Variants in NDST3 observed in about 807,000 individuals in gnomAD.
NDST3 encodes the protein bifunctional heparan sulfate N-deacetylase/N-sulfotransferase 3.
Under a neutral mutation model 96.1 loss-of-function variants are expected in NDST3, and 58 were observed. The observed-to-expected ratio is 0.60, with a 90% CI of 0.49 to 0.75. The LOEUF (loss-of-function observed/expected upper bound fraction) is 0.75, where lower values mean the gene tolerates loss of function less well. NDST3 is among the 30% of genes least tolerant of loss of function. The pLI is 0.00. For synonymous variants in NDST3, 333 were observed against 359.7 expected (o/e 0.93, Z 0.84); for missense variants, 788 against 1,034.2 (o/e 0.76, Z 3.27).
At chr4:118,137,544 T>C (rs1733211177) in intron 4 of NDST3, among the ~76,000 whole-genome samples, 1 of 152,216 alleles carries the variant, frequency 6.6e-6, no homozygotes, top group Non-Finnish European at 1.5e-5. Flanking sequence ...GGAACGTTGT[T>C]ACTGCTGGCC....
At chr4:118,165,970 T>G (rs1735519967) in intron 6 of NDST3, among the ~76,000 whole-genome samples, 1 of 150,686 alleles carries the variant, frequency 6.6e-6, no homozygotes, top group Admixed American at 6.6e-5. Flanking sequence ...CAGAAAGAAT[T>G]AAAATAAATA....
At chr4:118,093,260 A>C (rs972366879) in intron 2 of NDST3, among the ~76,000 whole-genome samples, 4 of 152,010 alleles carry the variant, frequency 2.6e-5, no homozygotes, top group East Asian at 1.9e-4. Flanking sequence ...AGAATAAAAA[A>C]GGCTTTTCCC....
At chr4:118,055,064 T>A (rs1287552204) in intron 2 of NDST3, 173 bp downstream of exon 2, 1 of 780,680 alleles carries the variant, frequency 1.3e-6, no homozygotes, top group African/African-American at 1.7e-5. Context: ...TGTATTTCTA[T>A]CTGAATCAAG....
chr4:118,225,690 AGTT>A (rs1739829791), intron 7 of NDST3, among the ~76,000 whole-genome samples: 1 of 152,210 alleles, frequency 6.6e-6, no homozygotes, highest in African/African-American at 2.4e-5. Flanking sequence ...CACAGATTGA[AGTT>A]GTTAACTCTG....
Position 118,143,906 on chromosome 4 carries a change from C to A in NDST3, c.1539+222C>A, listed in dbSNP as rs543117156. 2.0e-5 allele frequency among the ~76,000 whole-genome samples: 3 copies of A among 152,284 alleles called. No individual in the cohort carries two copies. In the South Asian group the frequency reaches 6.2e-4, roughly 32 times the overall value. On this transcript the variant is annotated intron_variant, in intron 6 of 13. Transcript: ENST00000296499. ...AACTCATGGCAGAACCAGGGAAGTG[C>A]TCCAGCGGATCCTCCTTTGCATTGC...
At chr4:118,113,157 T>A (rs975596531) in intron 3 of NDST3, among the ~76,000 whole-genome samples, 13 of 152,132 alleles carry the variant, frequency 8.5e-5, no homozygotes, top group African/African-American at 3.1e-4. Context: ...GTCCATCTCT[T>A]TACCTACATG....
At chr4:118,180,482 A>C (rs1374935705) in intron 6 of NDST3, among the ~76,000 whole-genome samples, 1 of 152,146 alleles carries the variant, frequency 6.6e-6, no homozygotes, top group Admixed American at 6.6e-5. Flanking sequence ...TCCCTCTTTG[A>C]GTGGTACAAA....
intron 6 of NDST3, among the ~76,000 whole-genome samples, chr4:118,216,891 C>T (rs545646157): frequency 6.6e-6 from 1 of 152,050 alleles, no homozygotes; most frequent in Non-Finnish European, 1.5e-5. Flanking sequence ...CTGGAGCCAG[C>T]TCAAAGCACA....
chr4:118,140,359 T>G (rs1278071945), intron 5 of NDST3, among the ~76,000 whole-genome samples: 1 of 152,208 alleles, frequency 6.6e-6, no homozygotes, highest in East Asian at 1.9e-4. Flanking sequence ...CACATCATTT[T>G]GTATTTTCAT....
At chr4:118,086,194 T>C (rs1728404730) in intron 2 of NDST3, among the ~76,000 whole-genome samples, 1 of 152,188 alleles carries the variant, frequency 6.6e-6, no homozygotes, top group Admixed American at 6.6e-5. Flanking sequence ...TATATTTCAA[T>C]TTTAGCATCT....
rs748773976 is a variant in NDST3 at position 118,255,578 on chromosome 4, C to T, written c.2503-15C>T. On this transcript the variant is annotated splice_polypyrimidine_tract_variant and intron_variant, in intron 13 of 13. Coordinates refer to ENST00000296499, the MANE Select transcript of NDST3 (RefSeq NM_004784.3). The stretch of plus-strand genomic sequence containing the variant: ...ACAAAATAAAATGTACTTTTCTCTC[C>T]TCCTCTCCACTTAGAGCAGGACATT... The T allele has an allele frequency of 5.6e-6, 9 of 1,594,700 alleles. No individual in the cohort carries two copies. Among genetic ancestry groups the T allele is most frequent in the Non-Finnish European group, 6.8e-6 (8 of 1,170,462 alleles).
intron 1 of NDST3, among the ~76,000 whole-genome samples, chr4:118,038,221 C>A (rs74523467): frequency 0.047 from 7,144 of 152,222 alleles, 252 homozygotes; most frequent in Middle Eastern, 0.071. Flanking sequence ...GCATTCTGGT[C>A]CAATCTTAGA....
intron 1 of NDST3, among the ~76,000 whole-genome samples, chr4:118,041,300 G>T (rs762637968): frequency 5.9e-5 from 9 of 151,766 alleles, no homozygotes; most frequent in Non-Finnish European, 1.3e-4. Context: ...ACCTCTAAAG[G>T]GTCCAACACA....
intron 6 of NDST3, among the ~76,000 whole-genome samples, chr4:118,158,952 C>T (rs1202909478): frequency 2.0e-5 from 3 of 152,096 alleles, no homozygotes; most frequent in Non-Finnish European, 2.9e-5. Context: ...CCCAGGCAAG[C>T]GCAAAACCAG....
At chr4:118,143,221 A>G (rs1733693120) in intron 5 of NDST3, among the ~76,000 whole-genome samples, 1 of 152,162 alleles carries the variant, frequency 6.6e-6, no homozygotes. Flanking sequence ...CTTTTTTTAA[A>G]GTCTCATTTT....
intron 6 of NDST3, among the ~76,000 whole-genome samples, chr4:118,145,519 A>G (rs1733874752): frequency 6.6e-6 from 1 of 152,212 alleles, no homozygotes; most frequent in Admixed American, 6.5e-5. Context: ...CCATTTTGTG[A>G]TAAGAAATAT....
At chr4:118,153,624 G>A (rs933557599) in intron 6 of NDST3, among the ~76,000 whole-genome samples, 1 of 152,086 alleles carries the variant, frequency 6.6e-6, no homozygotes, top group African/African-American at 2.4e-5. Flanking sequence ...GGAGTTCCCT[G>A]ACCAGCCTGG....
At chr4:118,084,590 G>A (rs1728274303) in intron 2 of NDST3, among the ~76,000 whole-genome samples, 1 of 152,054 alleles carries the variant, frequency 6.6e-6, no homozygotes, top group Non-Finnish European at 1.5e-5. Context: ...GTCATATGTT[G>A]GTTTTACAAG....
chr4:118,169,531 C>T (rs966062224), intron 6 of NDST3, among the ~76,000 whole-genome samples: 5 of 152,118 alleles, frequency 3.3e-5, no homozygotes, highest in African/African-American at 7.2e-5. Context: ...CAGTGGCTCA[C>T]GCCTGTAATC....
Sources: allele counts gnomAD v4.1 joint callset (sites outside exome capture counted in the v4.1 genomes callset), GRCh38; gene constraint gnomAD v4.1.1; transcripts MANE v1.5; gene names NCBI Gene and HGNC (gene_info 2026-07-23, HGNC 2026-07-21).